The following CMPK1 variants were observed in gnomAD, a reference collection of about 807,000 sequenced individuals.
CMPK1 encodes the protein cytidine/uridine monophosphate kinase 1, also known as UMP-CMP kinase.
In CMPK1, 10 loss-of-function variants were observed where a neutral mutation model predicts 25.7. The observed-to-expected ratio is 0.39, with a 90% CI of 0.24 to 0.66. The LOEUF (loss-of-function observed/expected upper bound fraction) is 0.66, where lower values mean the gene tolerates loss of function less well. CMPK1 is among the 30% of genes least tolerant of loss of function. The pLI is 0.48. For missense variants in CMPK1, 199 were observed against 280.5 expected (o/e 0.71, Z 2.08); for synonymous variants, 106 against 101.5 (o/e 1.04, Z -0.27).
At chr1:47,339,013 C>T (rs1344811517) in intron 1 of CMPK1, among the ~76,000 whole-genome samples, 1 of 151,706 alleles carries the variant, frequency 6.6e-6, no homozygotes, top group South Asian at 2.1e-4. Flanking sequence ...AAGCTTATAA[C>T]CATGCCAAAT....
chr1:47,364,309 T>A (rs1646624026), intron 1 of CMPK1, among the ~76,000 whole-genome samples: 1 of 151,734 alleles, frequency 6.6e-6, no homozygotes, highest in Non-Finnish European at 1.5e-5. Context: ...TTTGTTTTGT[T>A]TTGGTTTGGT....
chr1:47,334,333 A>C (rs1291036082), intron 1 of CMPK1, among the ~76,000 whole-genome samples: 2 of 151,950 alleles, frequency 1.3e-5, no homozygotes, highest in African/African-American at 4.8e-5. Flanking sequence ...CCACCGCTTG[A>C]GGTCGCTTTG....
At chr1:47,348,681 C>A (rs1646502003) in intron 1 of CMPK1, among the ~76,000 whole-genome samples, 1 of 152,154 alleles carries the variant, frequency 6.6e-6, no homozygotes, top group East Asian at 1.9e-4. Context: ...TGTCAACAAG[C>A]AATTGAATAT....
chr1:47,348,510 A>G (rs1646500663), intron 1 of CMPK1, among the ~76,000 whole-genome samples: 1 of 152,146 alleles, frequency 6.6e-6, no homozygotes, highest in African/African-American at 2.4e-5. Flanking sequence ...ACAAACCATC[A>G]CTTTGGTAAA....
At chr1:47,374,696 T>G (rs1246981998) in intron 3 of CMPK1, among the ~76,000 whole-genome samples, 2 of 152,192 alleles carry the variant, frequency 1.3e-5, no homozygotes, top group African/African-American at 4.8e-5. Context: ...ATGAATGAAT[T>G]CTTATTATGC....
chr1:47,336,268 T>C (rs923678589), intron 1 of CMPK1, among the ~76,000 whole-genome samples: 3 of 152,218 alleles, frequency 2.0e-5, no homozygotes, highest in East Asian at 3.8e-4. Flanking sequence ...CAAAGAGATA[T>C]AGGTTCAAAC....
chr1:47,334,261 G>T (rs1319757878), intron 1 of CMPK1, 145 bp downstream of exon 1: 1 of 713,264 alleles, frequency 1.4e-6, no homozygotes, highest in East Asian at 4.3e-5. Flanking sequence ...CGTGGCAGTG[G>T]CCGAGGGCCG....
chr1:47,369,877 TAAA>T (rs1646665093), intron 2 of CMPK1, among the ~76,000 whole-genome samples: 2 of 139,010 alleles, frequency 1.4e-5, no homozygotes, highest in African/African-American at 2.7e-5. Context: ...TTTTTTTTTT[TAAA>T]TAAACCTCTT....
At chr1:47,369,083 AG>A (rs1646659107) in intron 2 of CMPK1, among the ~76,000 whole-genome samples, 1 of 152,224 alleles carries the variant, frequency 6.6e-6, no homozygotes, top group African/African-American at 2.4e-5. Context: ...AGCTTGCTGC[AG>A]CCTCAACCTT....
chr1:47,336,414 CAG>C (rs535744630), intron 1 of CMPK1, among the ~76,000 whole-genome samples: 1 of 152,182 alleles, frequency 6.6e-6, no homozygotes, highest in Non-Finnish European at 1.5e-5. Context: ...ATCTGGCACA[CAG>C]AGACAGATGC....
intron 4 of CMPK1, 90 bp downstream of exon 4, chr1:47,375,075 A>G (rs1159965079): frequency 9.0e-5 from 118 of 1,307,348 alleles, no homozygotes; most frequent in Non-Finnish European, 1.2e-4. Flanking sequence ...AACATGTAAA[A>G]TGGCTTGTTT....
chr1:47,335,857 A>G (rs1339169404), intron 1 of CMPK1, among the ~76,000 whole-genome samples: 1 of 151,628 alleles, frequency 6.6e-6, no homozygotes, highest in African/African-American at 2.4e-5. Context: ...TCCGCCTCCC[A>G]GGTTCAAGCG....
chr1:47,345,160 C>G, intron 1 of CMPK1, among the ~76,000 whole-genome samples: 1 of 152,170 alleles, frequency 6.6e-6, no homozygotes, highest in East Asian at 1.9e-4. Flanking sequence ...TCAGGTGATC[C>G]GCCTGCTTCA....
chr1:47,375,191 T>C lies in CMPK1; in HGVS notation c.549-6T>C, dbSNP rs771705851. ...TAGAACCTTGCAATATTTACTTCTT[T>C]TGCAGAATTCAGACCTACCTTCAGT... On this transcript the variant is annotated splice_polypyrimidine_tract_variant and splice_region_variant and intron_variant, in intron 4 of 5. Transcript: ENST00000371873. 5 of 1,600,288 alleles carry C rather than the reference T, an allele frequency of 3.1e-6. No homozygotes were observed. Among genetic ancestry groups the C allele is most frequent in the South Asian group, 2.2e-5 (2 of 89,748 alleles).
At position 47,368,474 on chromosome 1, in the gene CMPK1, T is replaced by C. The variant is rs764778220; in HGVS notation, c.177T>C (p.Tyr59=). The C allele has an allele frequency of 6.2e-6, 10 of 1,607,930 alleles. No individual in the cohort carries two copies. The highest frequency in any genetic ancestry group is 1.7e-4 in the Middle Eastern group (1 of 6,032). The change falls in exon 2 of 6, where the codon TAT becomes TAC. Residue 59 remains tyrosine (Y), a synonymous_variant. Transcript: ENST00000371873. ...GTQCARIVEK[Y]GYTHLSAGEL... ...CCTATGTGTGCTTCTTTCAGAAATATGGCTACACACACCTTTCTGCAGGAG... is the reference window on the plus strand; with the variant it reads ...CCTATGTGTGCTTCTTTCAGAAATACGGCTACACACACCTTTCTGCAGGAG...
chr1:47,351,199 C>G (rs754364668), intron 1 of CMPK1, among the ~76,000 whole-genome samples: 12 of 152,068 alleles, frequency 7.9e-5, no homozygotes, highest in African/African-American at 1.2e-4. Context: ...TCTGCCTCAG[C>G]CTCCCAAGTA....
intron 2 of CMPK1, among the ~76,000 whole-genome samples, chr1:47,371,956 A>G (rs1258913775): frequency 6.6e-6 from 1 of 152,138 alleles, no homozygotes; most frequent in Non-Finnish European, 1.5e-5. Context: ...AAATCTGGGA[A>G]TCATCCTATA....
intron 1 of CMPK1, among the ~76,000 whole-genome samples, chr1:47,336,309 C>T (rs1646398634): frequency 6.6e-6 from 1 of 151,976 alleles, no homozygotes; most frequent in African/African-American, 2.4e-5. Context: ...TTTCTCTAGG[C>T]CCAGAGATGT....
intron 1 of CMPK1, among the ~76,000 whole-genome samples, chr1:47,342,649 CTTTTTTTT>C (rs11334963): frequency 1.7e-5 from 2 of 116,416 alleles, no homozygotes; most frequent in East Asian, 2.4e-4. Flanking sequence ...TCTCTTTTTT[CTTTTTTTT>C]TTTTTTTTTT....
Sources: gnomAD v4.1 joint callset for allele counts (sites outside exome capture counted in the v4.1 genomes callset) on GRCh38, gnomAD v4.1.1 for gene constraint, MANE v1.5 for transcripts, NCBI Gene and HGNC (gene_info 2026-07-23, HGNC 2026-07-21) for gene names.